BTBD9: variants seen among roughly 807,000 people sequenced by gnomAD.
BTBD9 encodes BTB/POZ domain-containing protein 9.
In BTBD9, 49 loss-of-function variants were observed where a neutral mutation model predicts 64.3. That is an observed-to-expected ratio of 0.76 (90% CI 0.61 to 0.97). The LOEUF is 0.97. Among genes scored for constraint, BTBD9 ranks in the 50% least tolerant of loss-of-function variants. The pLI is 0.00. For missense variants in BTBD9, 598 were observed against 762.1 expected, an observed-to-expected ratio of 0.78 and a Z score of 2.53; for synonymous variants, 260 against 274.7, an observed-to-expected ratio of 0.95 and a Z score of 0.53.
At chr6:38,436,917 T>C (rs961852862) in intron 6 of BTBD9, among the ~76,000 whole-genome samples, 7 of 152,188 alleles carry the variant, frequency 4.6e-5, no homozygotes, top group Non-Finnish European at 8.8e-5. Flanking sequence ...ATGATGATAG[T>C]TGTAGTCATA....
chr6:38,613,623 CT>C (rs200202457), intron 1 of BTBD9, among the ~76,000 whole-genome samples: 37 of 151,058 alleles, frequency 2.4e-4, no homozygotes, highest in Non-Finnish European at 4.3e-4. Context: ...GAGACTTTAT[CT>C]TTTTTAAAAA....
chr6:38,362,965 C>G (rs114411866), intron 6 of BTBD9, among the ~76,000 whole-genome samples: 2 of 151,932 alleles, frequency 1.3e-5, no homozygotes, highest in Non-Finnish European at 2.9e-5. Flanking sequence ...AATGACAGAA[C>G]CACATGACAG....
intron 8 of BTBD9, among the ~76,000 whole-genome samples, chr6:38,273,282 A>G (rs1765255793): frequency 6.6e-6 from 1 of 152,200 alleles, no homozygotes; most frequent in Non-Finnish European, 1.5e-5. Context: ...TGTGGGGTGC[A>G]TTCCAAGACC....
rs1478550067 is a variant in BTBD9, at chr6:38,169,832, A to G, written c.*5153T>C. The G allele has an allele frequency of 6.8e-6, 1 of 147,028 alleles. No individual in the cohort carries two copies. The highest frequency in any genetic ancestry group is 2.0e-4 in the East Asian group (1 of 4,958). The allele number at this position is 147,028 out of a possible 1,614,324, so 9.1% of individuals were successfully genotyped here. ...TGGTAAATGCTCCCAGACATTTATC[A>G]TAAATTACAGGTGGATGATTGTGAG... is the stretch of plus-strand genomic sequence containing the variant. On this transcript the variant is annotated 3_prime_UTR_variant, in exon 11 of 11. Coordinates refer to ENST00000481247, the MANE Select transcript of BTBD9 (RefSeq NM_001099272.2).
chr6:38,510,995 C>T (rs765106642), intron 6 of BTBD9, among the ~76,000 whole-genome samples: 1 of 152,074 alleles, frequency 6.6e-6, no homozygotes, highest in Non-Finnish European at 1.5e-5. Context: ...ATTACATATG[C>T]TATACTTTTA....
At chr6:38,465,388 C>T (rs1275371619) in intron 6 of BTBD9, among the ~76,000 whole-genome samples, 1 of 147,298 alleles carries the variant, frequency 6.8e-6, no homozygotes, top group Non-Finnish European at 1.5e-5. Flanking sequence ...GAGGCCGAGG[C>T]AGGCAGATCA....
At chr6:38,247,425 T>C (rs16890509) in intron 9 of BTBD9, among the ~76,000 whole-genome samples, 11,155 of 152,232 alleles carry the variant, frequency 0.073, 447 homozygotes, top group African/African-American at 0.094. Context: ...CGGATATGAA[T>C]ACAATCATGC....
At chr6:38,311,866 A>C (rs990367099) in intron 7 of BTBD9, among the ~76,000 whole-genome samples, 2 of 149,958 alleles carry the variant, frequency 1.3e-5, no homozygotes, top group Non-Finnish European at 3.0e-5. Context: ...TTTCTTTTTT[A>C]TTTTTATTTT....
At chr6:38,275,091 C>T (rs1765335071) in intron 8 of BTBD9, among the ~76,000 whole-genome samples, 2 of 152,176 alleles carry the variant, frequency 1.3e-5, no homozygotes, top group African/African-American at 4.8e-5. Flanking sequence ...TACCTGACTT[C>T]AAACTATACT....
intron 8 of BTBD9, among the ~76,000 whole-genome samples, chr6:38,269,730 C>T (rs1053458704): frequency 6.6e-6 from 1 of 152,164 alleles, no homozygotes; most frequent in African/African-American, 2.4e-5. Flanking sequence ...GAATACTCCC[C>T]AGAACTGCAG....
At chr6:38,472,804 C>T (rs796211923) in intron 6 of BTBD9, among the ~76,000 whole-genome samples, 8 of 152,210 alleles carry the variant, frequency 5.3e-5, no homozygotes, top group African/African-American at 1.9e-4. Context: ...CATAATCAAG[C>T]CCACTCTTGC....
At chr6:38,188,545 A>G (rs374922769) in intron 10 of BTBD9, among the ~76,000 whole-genome samples, 2 of 152,256 alleles carry the variant, frequency 1.3e-5, no homozygotes, top group African/African-American at 4.8e-5. Context: ...GCCATAGACC[A>G]AATCCATCGA....
chr6:38,397,002 A>G (rs1047969607), intron 6 of BTBD9, among the ~76,000 whole-genome samples: 9 of 148,658 alleles, frequency 6.1e-5, no homozygotes, highest in Non-Finnish European at 1.5e-5. Flanking sequence ...CCTGGGTTCA[A>G]GTGATTCTCA....
At chr6:38,281,220 G>A (rs765787163) in intron 8 of BTBD9, among the ~76,000 whole-genome samples, 1 of 152,084 alleles carries the variant, frequency 6.6e-6, no homozygotes, top group Non-Finnish European at 1.5e-5. Context: ...GGAAGTGCAT[G>A]AGCAACAGTT....
intron 10 of BTBD9, among the ~76,000 whole-genome samples, chr6:38,191,241 A>G (rs1374997374): frequency 6.6e-6 from 1 of 152,244 alleles, no homozygotes; most frequent in East Asian, 1.9e-4. Flanking sequence ...TTCTAAATAA[A>G]TAAAAAGCCA....
chr6:38,251,234 T>C (rs1764390438), intron 9 of BTBD9, among the ~76,000 whole-genome samples: 1 of 151,526 alleles, frequency 6.6e-6, no homozygotes, highest in African/African-American at 2.4e-5. Flanking sequence ...AAGGAGTTAG[T>C]AAAGTTGTTA....
intron 9 of BTBD9, among the ~76,000 whole-genome samples, chr6:38,200,370 G>A (rs978087469): frequency 2.0e-5 from 3 of 151,810 alleles, no homozygotes; most frequent in Admixed American, 2.0e-4. Context: ...TAGAAAAGGA[G>A]GAACAAATCA....
At chr6:38,411,895 T>C (rs1172018709) in intron 6 of BTBD9, among the ~76,000 whole-genome samples, 1 of 152,082 alleles carries the variant, frequency 6.6e-6, no homozygotes, top group African/African-American at 2.4e-5. Flanking sequence ...CAAGATTGTG[T>C]CATTTGGGCA....
intron 9 of BTBD9, among the ~76,000 whole-genome samples, chr6:38,221,749 T>C (rs1374839403): frequency 1.3e-5 from 2 of 152,144 alleles, no homozygotes; most frequent in East Asian, 3.9e-4. Flanking sequence ...TCCCAGCACT[T>C]TGGTAGGCCG....
Sources: allele counts gnomAD v4.1 joint callset (sites outside exome capture counted in the v4.1 genomes callset), GRCh38; gene constraint gnomAD v4.1.1; transcripts MANE v1.5; gene names NCBI Gene and HGNC (gene_info 2026-07-23, HGNC 2026-07-21).